Variants in VPS33B observed in about 807,000 individuals in gnomAD.
VPS33B encodes vacuolar protein sorting-associated protein 33B.
VPS33B carries 80 observed loss-of-function variants against 95.3 expected under a neutral mutation model. That is an observed-to-expected ratio of 0.84 (90% CI 0.70 to 1.01). The LOEUF is 1.01. VPS33B is among the 50% of genes least tolerant of loss of function. The probability of loss-of-function intolerance (pLI) is 0.00; values close to 1 mark genes in which losing one functional copy is unlikely to be tolerated. For synonymous variants in VPS33B, 280 were observed against 280.4 expected (o/e 1.00, Z 0.01); for missense variants, 715 against 773.4 (o/e 0.92, Z 0.90).
rs1398457374 is a variant in VPS33B at position 91,006,483 on chromosome 15, G to A, written c.779-38C>T. ...AGGGACAGCTATTAGGATCTCCAATGAGGACTTCTCCTACCATTCCCTGAA... is the reference window on the plus strand; with the variant it reads ...AGGGACAGCTATTAGGATCTCCAATAAGGACTTCTCCTACCATTCCCTGAA... On this transcript the variant is annotated intron_variant, in intron 10 of 22. Transcript: ENST00000333371. The surrounding 1 kb of genome is among the most constrained non-coding windows in gnomAD (Gnocchi z 5.4). 5 of 1,613,686 alleles carry A rather than the reference G, an allele frequency of 3.1e-6. No individual in the cohort carries two copies. The Admixed American group carries it at 6.7e-5, about 22-fold the overall frequency.
chr15:91,019,798 T>C (rs1055121669), intron 1 of VPS33B, among the ~76,000 whole-genome samples: 4 of 142,020 alleles, frequency 2.8e-5, no homozygotes, highest in South Asian at 2.4e-4. Flanking sequence ...ATACATGGAA[T>C]GTGTAATATA....
chr15:91,003,982 G>A (rs2040519861), intron 16 of VPS33B, among the ~76,000 whole-genome samples: 1 of 152,162 alleles, frequency 6.6e-6, no homozygotes, highest in Non-Finnish European at 1.5e-5. Context: ...CCAGAACTTA[G>A]GGAAGCCGAG....
rs531999560 is a variant in VPS33B, at chr15:91,014,884, C to T, written c.240-451G>A. 4.0e-5 allele frequency among the ~76,000 whole-genome samples: 6 copies of T among 149,974 alleles called. No homozygotes were observed. In the South Asian group the frequency reaches 1.3e-3, roughly 32 times the overall value. Reference sequence around the variant, plus strand: ...AGAAGATTGCTTGAGCTCAGGAGTTCGAAACTAGCCTCAGCAACACAGTGA... The same window carrying T: ...AGAAGATTGCTTGAGCTCAGGAGTTTGAAACTAGCCTCAGCAACACAGTGA... On this transcript the variant is annotated intron_variant, in intron 3 of 22. Coordinates refer to ENST00000333371, the MANE Select transcript of VPS33B (RefSeq NM_018668.5).
chr15:91,003,769 G>T (rs2040514218), intron 16 of VPS33B, among the ~76,000 whole-genome samples: 1 of 152,194 alleles, frequency 6.6e-6, no homozygotes, highest in Non-Finnish European at 1.5e-5. Context: ...CTAAGGGGCA[G>T]TTCTACTAGG....
chr15:91,001,133 T>C (rs1243270092), intron 19 of VPS33B: 2 of 406,890 alleles, frequency 4.9e-6, no homozygotes, highest in Non-Finnish European at 9.2e-6. Context: ...CTGGCCAACA[T>C]GGGGAAACCT....
Position 90,998,738 on chromosome 15 carries a change from T to C in VPS33B, c.*237A>G, listed in dbSNP as rs1281198474. On this transcript the variant is annotated 3_prime_UTR_variant, in exon 23 of 23. Coordinates refer to ENST00000333371, the MANE Select transcript of VPS33B (RefSeq NM_018668.5). The surrounding 1 kb of genome is among the most constrained non-coding windows in gnomAD (Gnocchi z 4.8). ...AACAGGATTTAGCAAAGGATGCCTC[T>C]TCCTGCTCGCATCTTAGCAGCATGG... is the stretch of plus-strand genomic sequence containing the variant. The C allele has an allele frequency of 3.4e-6, 2 of 596,030 alleles. No homozygotes were observed. The highest frequency in any genetic ancestry group is 6.0e-6 in the Non-Finnish European group (2 of 331,694). The allele number at this position is 596,030 out of a possible 1,614,324, so 36.9% of individuals were successfully genotyped here.
rs1179235096 is a variant in VPS33B, at chr15:91,010,097, CA to C, written c.358-252del. 1.3e-5 allele frequency among the ~76,000 whole-genome samples: 2 copies of C among 152,252 alleles called. No individual in the cohort carries two copies. Among genetic ancestry groups the C allele is most frequent in the Admixed American group, 6.5e-5 (1 of 15,294 alleles). On this transcript the variant is annotated intron_variant, in intron 5 of 22. Transcript: ENST00000333371. This position sits in a 1 kb window ranked among gnomAD's most constrained non-coding sequence, Gnocchi z 5.7. ...TCCCTGAGAGAATGGAAGAGGTTTA[CA>C]AAGGAGAAGGAGTTCAGCTGTCTTC... is the stretch of plus-strand genomic sequence containing the variant.
At position 91,010,877 on chromosome 15, in the gene VPS33B, G is replaced by A. The variant is rs72759384; in HGVS notation, c.358-1031C>T. Among the ~76,000 whole-genome samples, 1,277 of 152,292 alleles carry A rather than the reference G, an allele frequency of 8.4e-3. 8 individuals carry two copies. Among genetic ancestry groups the A allele is most frequent in the Non-Finnish European group, 0.013 (861 of 68,016 alleles). On this transcript the variant is annotated intron_variant, in intron 5 of 22. Transcript: ENST00000333371. This position sits in a 1 kb window ranked among gnomAD's most constrained non-coding sequence, Gnocchi z 5.7. ...AATAGACACCAGTGGATTTGACAAC[G>A]GAGACCTGAGGGAGACTAGATGAAA...
chr15:91,002,971 G>A lies in VPS33B; in HGVS notation c.1272+114C>T. 5 of 1,163,362 alleles carry A rather than the reference G, an allele frequency of 4.3e-6. No individual in the cohort carries two copies. In the South Asian group the frequency reaches 6.1e-5, roughly 14 times the overall value. 72.1% of individuals were successfully genotyped at this position (1,163,362 alleles called of 1,614,324 possible). On this transcript the variant is annotated intron_variant, in intron 17 of 22. Transcript: ENST00000333371. The surrounding 1 kb of genome is among the most constrained non-coding windows in gnomAD (Gnocchi z 4.7). Reference sequence around the variant, plus strand: ...GTAGCTCTAAGAGGGAGGCCTGAATGGAAACAGGAGGGTAATGGAGGCAGG... The same window carrying A: ...GTAGCTCTAAGAGGGAGGCCTGAATAGAAACAGGAGGGTAATGGAGGCAGG...
intron 3 of VPS33B, among the ~76,000 whole-genome samples, chr15:91,016,298 G>A (rs898132275): frequency 1.3e-5 from 2 of 151,996 alleles, no homozygotes; most frequent in African/African-American, 2.4e-5. Flanking sequence ...GGGAGGCCAC[G>A]CTGCAGACAG....
chr15:91,016,017 A>G (rs967663674), intron 3 of VPS33B, among the ~76,000 whole-genome samples: 1 of 152,210 alleles, frequency 6.6e-6, no homozygotes, highest in African/African-American at 2.4e-5. Flanking sequence ...ACATGACTAC[A>G]TGCCGAGCGA....
intron 1 of VPS33B, 102 bp from the exon 2 acceptor site, chr15:91,017,987 G>A (rs1239279632): frequency 9.8e-7 from 1 of 1,016,026 alleles, no homozygotes; most frequent in Admixed American, 1.8e-5. Context: ...CTCTGAGGTG[G>A]GAGGGCACTA....
Position 91,022,365 on chromosome 15 carries a change from A to G in VPS33B, c.-116T>C. The stretch of plus-strand genomic sequence containing the variant: ...TTCAGGCCTGGGCACCGACTTCCAG[A>G]GACCCCAGATGGGCCCTCGCTCCTC... On this transcript the variant is annotated 5_prime_UTR_variant, in exon 1 of 23. Coordinates refer to ENST00000333371, the MANE Select transcript of VPS33B (RefSeq NM_018668.5). 1 of 1,062,604 alleles carries G rather than the reference A, an allele frequency of 9.4e-7. No individual in the cohort carries two copies. The highest frequency in any genetic ancestry group is 1.7e-5 in the South Asian group (1 of 60,310). The allele number at this position is 1,062,604 out of a possible 1,614,324, so 65.8% of individuals were successfully genotyped here. A position where few individuals can be genotyped will look rare whatever the true frequency, so the allele number is the denominator to read the frequency against.
rs2040965879 is a variant in VPS33B, at chr15:91,017,370, ATATATATATATATATATATATAT to A, written c.178-369_178-347del. 1.5e-3 allele frequency among the ~76,000 whole-genome samples: 40 copies of A among 26,960 alleles called. 7 individuals are homozygous for A. The highest frequency in any genetic ancestry group is 3.5e-3 in the African/African-American group (32 of 9,266). 17.7% of individuals were successfully genotyped at this position (26,960 alleles called of 152,430 possible). A position where few individuals can be genotyped will look rare whatever the true frequency, so the allele number is the denominator to read the frequency against. Reference sequence around the variant, plus strand: ...AGACTCCATCTCTACAAAATTAAATATATATATATATATATATATATATATATATATATATATATATATATATA... The same window carrying A: ...AGACTCCATCTCTACAAAATTAAATAATATATATATATATATATATATATA... On this transcript the variant is annotated intron_variant, in intron 2 of 22. Transcript: ENST00000333371.
At chr15:91,017,088 G>C in intron 2 of VPS33B, 64 bp from the exon 3 acceptor site, 1 of 1,476,136 alleles carries the variant, frequency 6.8e-7, no homozygotes, top group Non-Finnish European at 9.5e-7. Flanking sequence ...AGTGTGACAC[G>C]AAGATAGGGG....
chr15:91,003,171 G>A (rs1567220160), intron 16 of VPS33B, 40 bp from the exon 17 acceptor site: 2 of 1,603,016 alleles, frequency 1.2e-6, no homozygotes, highest in South Asian at 2.2e-5. Flanking sequence ...TGAGAAAGAG[G>A]CCGGCAGAGG....
rs2040348172 is a variant in VPS33B, at chr15:90,998,895, T to C, written c.*80A>G. The C allele has an allele frequency of 6.7e-7, 1 of 1,498,064 alleles. No homozygotes were observed. The highest frequency in any genetic ancestry group is 9.2e-7 in the Non-Finnish European group (1 of 1,084,168). The allele number at this position is 1,498,064 out of a possible 1,614,324, so 92.8% of individuals were successfully genotyped here. A position where few individuals can be genotyped will look rare whatever the true frequency, so the allele number is the denominator to read the frequency against. Reference sequence around the variant, plus strand: ...AGCAGGTAGTTGGTGGACACTTGGTTATAGCAGCTGGGTGCCAGATGCCTG... The same window carrying C: ...AGCAGGTAGTTGGTGGACACTTGGTCATAGCAGCTGGGTGCCAGATGCCTG... On this transcript the variant is annotated 3_prime_UTR_variant, in exon 23 of 23. Transcript: ENST00000333371. This position sits in a 1 kb window ranked among gnomAD's most constrained non-coding sequence, Gnocchi z 4.8.
rs373446831 is a variant in VPS33B at position 91,013,906 on chromosome 15, G to A, written c.290-35C>T. 1.4e-5 allele frequency: 22 copies of A among 1,612,788 alleles called. No homozygotes were observed. The African/African-American group carries it at 2.5e-4, about 19-fold the overall frequency. ...GAAGGAATGCAGCCCAGCAAGTCATGGGCCATCTGTTATGCTAGAAACAGG... is the reference window on the plus strand; with the variant it reads ...GAAGGAATGCAGCCCAGCAAGTCATAGGCCATCTGTTATGCTAGAAACAGG... On this transcript the variant is annotated intron_variant, in intron 4 of 22. Transcript: ENST00000333371. The surrounding 1 kb of genome is among the most constrained non-coding windows in gnomAD (Gnocchi z 4.5).
chr15:91,014,041 A>G (rs2040852774), intron 4 of VPS33B, among the ~76,000 whole-genome samples, 170 bp from the exon 5 acceptor site: 1 of 152,036 alleles, frequency 6.6e-6, no homozygotes, highest in Non-Finnish European at 1.5e-5. Context: ...AACATGGTGA[A>G]ACTCTGTCTC....
Sources: gnomAD v4.1 joint callset for allele counts (sites outside exome capture counted in the v4.1 genomes callset) on GRCh38, gnomAD v4.1.1 for gene constraint, Gnocchi (gnomAD v3.1) non-coding constraint, MANE v1.5 for transcripts, NCBI Gene and HGNC (gene_info 2026-07-23, HGNC 2026-07-21) for gene names.